The following KCNAB2 variants were observed in gnomAD, a reference collection of about 807,000 sequenced individuals.
KCNAB2 encodes potassium voltage-gated channel subfamily A regulatory beta subunit 2, also known as voltage-gated potassium channel subunit beta-2.
KCNAB2 carries 29 observed loss-of-function variants against 63.6 expected under a neutral mutation model. That is an observed-to-expected ratio of 0.46 (90% CI 0.34 to 0.62). The LOEUF (loss-of-function observed/expected upper bound fraction) is 0.62. Among genes scored for constraint, KCNAB2 ranks in the 20% least tolerant of loss-of-function variants. The pLI is 0.01. For missense variants in KCNAB2, 359 were observed against 563.9 expected, an observed-to-expected ratio of 0.64 and a Z score of 3.68; for synonymous variants, 222 against 224.2, an observed-to-expected ratio of 0.99 and a Z score of 0.09.
At chr1:6,067,272 C>T (rs1242434045) in intron 2 of KCNAB2, among the ~76,000 whole-genome samples, 1 of 152,204 alleles carries the variant, frequency 6.6e-6, no homozygotes, top group Non-Finnish European at 1.5e-5. Context: ...GGAAAGTTTT[C>T]CCAAAACAGG....
chr1:6,064,483 T>C (rs952802813), intron 2 of KCNAB2, among the ~76,000 whole-genome samples: 3 of 152,152 alleles, frequency 2.0e-5, no homozygotes, highest in African/African-American at 7.2e-5. Flanking sequence ...CTTTGCACAT[T>C]TAGGGGAAGT....
intron 1 of KCNAB2, among the ~76,000 whole-genome samples, chr1:6,000,985 G>C (rs147694528): frequency 6.6e-6 from 1 of 152,178 alleles, no homozygotes; most frequent in Admixed American, 6.5e-5. Flanking sequence ...ATCTCACATC[G>C]TCAGGAAAGG....
intron 2 of KCNAB2, among the ~76,000 whole-genome samples, chr1:6,072,298 G>T (rs1480198809): frequency 6.6e-6 from 1 of 152,218 alleles, no homozygotes; most frequent in Non-Finnish European, 1.5e-5. Flanking sequence ...AGGCCATGTG[G>T]TCCAGTGAAG....
At chr1:6,084,160 G>A (rs1664448183) in intron 5 of KCNAB2, among the ~76,000 whole-genome samples, 1 of 152,242 alleles carries the variant, frequency 6.6e-6, no homozygotes, top group African/African-American at 2.4e-5. Flanking sequence ...ACAGAGTATG[G>A]ATCATTCTCC....
chr1:6,092,809 C>G (rs1665300815), intron 10 of KCNAB2, among the ~76,000 whole-genome samples: 1 of 152,240 alleles, frequency 6.6e-6, no homozygotes, highest in Admixed American at 6.5e-5. Flanking sequence ...AGAGAGGATT[C>G]CCAGGAGCTA....
chr1:6,079,943 G>A (rs1343719271), intron 4 of KCNAB2, among the ~76,000 whole-genome samples: 1 of 152,184 alleles, frequency 6.6e-6, no homozygotes, highest in East Asian at 1.9e-4. Context: ...AGAATGAAAG[G>A]GATCTTCATG....
chr1:6,039,595 G>A (rs1660330253), intron 1 of KCNAB2, among the ~76,000 whole-genome samples: 1 of 152,132 alleles, frequency 6.6e-6, no homozygotes, highest in Non-Finnish European at 1.5e-5. Flanking sequence ...CCTGGTTCTT[G>A]TGGGTCAGGC....
At position 6,086,344 on chromosome 1, in the gene KCNAB2, A is replaced by G. The variant is rs1047293675; in HGVS notation, c.425+1096A>G. 25 of 985,248 alleles carry G rather than the reference A, an allele frequency of 2.5e-5. No individual in the cohort carries two copies. The highest frequency in any genetic ancestry group is 3.0e-5 in the Non-Finnish European group (25 of 829,922). The allele number at this position is 985,248 out of a possible 1,614,324, so 61.0% of individuals were successfully genotyped here. ...AAAACAAATTCCTCCTCACCCTGTA[A>G]TTAAACGAAATTGCACGTATTAGCA... On this transcript the variant is annotated intron_variant, in intron 6 of 15. Transcript: ENST00000378083. This position sits in a 1 kb window ranked among gnomAD's most constrained non-coding sequence, Gnocchi z 4.2.
intron 2 of KCNAB2, among the ~76,000 whole-genome samples, chr1:6,058,709 G>A (rs368056406): frequency 2.0e-5 from 3 of 152,240 alleles, no homozygotes; most frequent in South Asian, 2.1e-4. Flanking sequence ...GTTCAGTGCC[G>A]CGCAGACAAG....
In KCNAB2 at chr1:6,003,837, TGGCCCCAGCTTGCAGC is replaced by T. The variant is rs1233497077; in HGVS notation, c.-53+11052_-53+11067del. Among the ~76,000 whole-genome samples, 2 of 152,246 alleles carry T rather than the reference TGGCCCCAGCTTGCAGC, an allele frequency of 1.3e-5. No individual in the cohort carries two copies. The highest frequency in any genetic ancestry group is 4.8e-5 in the African/African-American group (2 of 41,466). ...GGCTATGTGATTGCAGAGGCATGGC[TGGCCCCAGCTTGCAGC>T]GGTCGCTTCTGCATCTCTTTTTATT... On this transcript the variant is annotated intron_variant, in intron 1 of 16. Coordinates refer to the KCNAB2 transcript ENST00000341524. The surrounding 1 kb of genome is among the most constrained non-coding windows in gnomAD (Gnocchi z 4.1).
Position 6,085,258 on chromosome 1 carries a change from C to A in KCNAB2, c.425+10C>A, listed in dbSNP as rs776029092. On this transcript the variant is annotated intron_variant, in intron 6 of 15. Coordinates refer to ENST00000378083, the MANE Select transcript of KCNAB2 (RefSeq NM_001199862.2). Reference sequence around the variant, plus strand: ...AGAAGAAAGGATGGAGGTAACGGCCCTGCTCTCTGCGGCCTGTCCCTGGGG... The same window carrying A: ...AGAAGAAAGGATGGAGGTAACGGCCATGCTCTCTGCGGCCTGTCCCTGGGG... The A allele has an allele frequency of 1.6e-5, 26 of 1,613,086 alleles. No individual in the cohort carries two copies. Among genetic ancestry groups the A allele is most frequent in the Non-Finnish European group, 2.2e-5 (26 of 1,179,184 alleles).
At chr1:6,032,355 C>T (rs538262985), upstream of KCNAB2, among the ~76,000 whole-genome samples, 66 of 152,172 alleles carry the variant, frequency 4.3e-4, no homozygotes, top group African/African-American at 1.5e-3. Context: ...CCAAGGCAGG[C>T]AGATCACAAG....
In KCNAB2 at chr1:6,096,867, A is replaced by C; in HGVS notation, c.1069+111A>C. Reference sequence around the variant, plus strand: ...GGCCAGTGTCTCCGGGGAGAGAGGGAAGGGATCCCTGGACATCATCCCCCA... The same window carrying C: ...GGCCAGTGTCTCCGGGGAGAGAGGGCAGGGATCCCTGGACATCATCCCCCA... On this transcript the variant is annotated intron_variant, in intron 14 of 15. Coordinates refer to ENST00000378083, the MANE Select transcript of KCNAB2 (RefSeq NM_001199862.2). The surrounding 1 kb of genome is among the most constrained non-coding windows in gnomAD (Gnocchi z 5.9). 7.5e-7 allele frequency: 1 copy of C among 1,339,264 alleles called. No individual in the cohort carries two copies. The highest frequency in any genetic ancestry group is 9.9e-7 in the Non-Finnish European group (1 of 1,006,582). The allele number at this position is 1,339,264 out of a possible 1,614,324, so 83.0% of individuals were successfully genotyped here. A position where few individuals can be genotyped will look rare whatever the true frequency, so the allele number is the denominator to read the frequency against.
At chr1:6,062,551 A>G (rs1031417819) in intron 2 of KCNAB2, among the ~76,000 whole-genome samples, 3 of 152,196 alleles carry the variant, frequency 2.0e-5, no homozygotes, top group South Asian at 2.1e-4. Flanking sequence ...AGACACCAAG[A>G]TGACCACATG....
intron 1 of KCNAB2, among the ~76,000 whole-genome samples, chr1:6,015,087 A>G (rs1277372302): frequency 7.7e-6 from 1 of 129,108 alleles, no homozygotes; most frequent in South Asian, 2.5e-4. Context: ...GCTGGAGTGC[A>G]GTGGCGGGAT....
rs1162311882 is a variant in KCNAB2, at chr1:6,099,707, G to A, written c.*1133G>A. 7.7e-6 allele frequency: 11 copies of A among 1,419,356 alleles called. No individual in the cohort carries two copies. In the East Asian group the frequency reaches 2.5e-4, roughly 33 times the overall value. The allele number at this position is 1,419,356 out of a possible 1,614,324, so 87.9% of individuals were successfully genotyped here. A position where few individuals can be genotyped will look rare whatever the true frequency, so the allele number is the denominator to read the frequency against. ...GGGTTTTCTGTGCCCATGACTTGGG[G>A]GCTGCACCCCCACAGCACCCCCACA... On this transcript the variant is annotated 3_prime_UTR_variant, in exon 16 of 16. Coordinates refer to ENST00000378083, the MANE Select transcript of KCNAB2 (RefSeq NM_001199862.2).
rs1048967875 is a variant in KCNAB2 at position 5,994,258 on chromosome 1, C to T, written c.-53+1470C>T. Among the ~76,000 whole-genome samples the T allele has an allele frequency of 2.5e-4, 38 of 152,208 alleles. No individual in the cohort carries two copies. Among genetic ancestry groups the T allele is most frequent in the African/African-American group, 8.9e-4 (37 of 41,450 alleles). On this transcript the variant is annotated intron_variant, in intron 1 of 16. Coordinates refer to the KCNAB2 transcript ENST00000341524. The surrounding 1 kb of genome is among the most constrained non-coding windows in gnomAD (Gnocchi z 5.4). ...CTAAGGAAGCCGCATTCAGGCCCCG[C>T]GTTGCAGGTTGCAGGGTTTGGGGAC...
chr1:6,094,355 G>T, intron 10 of KCNAB2, 45 bp from the exon 11 acceptor site: 1 of 1,497,740 alleles, frequency 6.7e-7, no homozygotes, highest in Non-Finnish European at 9.2e-7. Flanking sequence ...CTGGCCCTGA[G>T]CCCTGGCTGC....
intron 9 of KCNAB2, 119 bp downstream of exon 9, chr1:6,090,594 G>A (rs2100763752): frequency 2.7e-6 from 2 of 730,042 alleles, no homozygotes; most frequent in East Asian, 5.5e-5. Context: ...GCCGTGAGAG[G>A]AGGCCGGGTC....
Sources: gnomAD v4.1 joint callset for allele counts (sites outside exome capture counted in the v4.1 genomes callset) on GRCh38, gnomAD v4.1.1 for gene constraint, Gnocchi (gnomAD v3.1) non-coding constraint, MANE v1.5 for transcripts, NCBI Gene and HGNC (gene_info 2026-07-23, HGNC 2026-07-21) for gene names.